The following KAZN variants were observed in gnomAD, a reference collection of about 807,000 sequenced individuals.
The protein encoded by KAZN is kazrin, periplakin interacting protein, also known as kazrin.
Under a neutral mutation model 87.4 loss-of-function variants are expected in KAZN, and 40 were observed. That is an observed-to-expected ratio of 0.46 (90% CI 0.36 to 0.60). The LOEUF (loss-of-function observed/expected upper bound fraction) is 0.60, where lower values mean the gene tolerates loss of function less well. KAZN is among the 20% of genes least tolerant of loss of function. The pLI, the probability that KAZN is intolerant of heterozygous loss-of-function variation, is 0.00. For missense variants in KAZN, 898 were observed against 1,073.9 expected, an observed-to-expected ratio of 0.84 and a Z score of 2.29; for synonymous variants, 466 against 458.3, an observed-to-expected ratio of 1.02 and a Z score of -0.22.
At chr1:14,798,015 C>CACTTTACAGATGAGGAA (rs1553133454) in intron 1 of KAZN, among the ~76,000 whole-genome samples, 1 of 152,190 alleles carries the variant, frequency 6.6e-6, no homozygotes, top group African/African-American at 2.4e-5. Flanking sequence ...CTATCTCCCC[C>CACTTTACAGATGAGGAA]ACTTTACAGA....
chr1:15,029,130 G>C (rs888381905), intron 2 of KAZN, among the ~76,000 whole-genome samples: 1 of 152,210 alleles, frequency 6.6e-6, no homozygotes, highest in African/African-American at 2.4e-5. Context: ...GTAGCTGCAA[G>C]GGAGCTTGGG....
intron 2 of KAZN, among the ~76,000 whole-genome samples, chr1:14,504,358 G>A (rs765598160): frequency 3.3e-5 from 5 of 152,208 alleles, no homozygotes; most frequent in African/African-American, 4.8e-5. Context: ...GCTACAGGAT[G>A]TTAGAAAAGA....
At position 14,736,314 on chromosome 1, in the gene KAZN, T is replaced by C. The variant is rs566042298; in HGVS notation, c.226+137091T>C. On this transcript the variant is annotated intron_variant, in intron 1 of 14. Transcript: ENST00000376030. ...GTGTGTGTGTGTATATTTTTTTTTT[T>C]TGAGACGGAGTTTTGCTCTTGTTGC... Among the ~76,000 whole-genome samples, 56 of 140,610 alleles carry C rather than the reference T, an allele frequency of 4.0e-4. 1 individual carries two copies. The highest frequency in any genetic ancestry group is 3.0e-3 in the Admixed American group (43 of 14,154). The allele number at this position is 140,610 out of a possible 152,430, so 92.2% of individuals were successfully genotyped here.
At chr1:14,505,711 C>T (rs912316672) in intron 2 of KAZN, among the ~76,000 whole-genome samples, 8 of 152,268 alleles carry the variant, frequency 5.3e-5, no homozygotes, top group East Asian at 1.9e-4. Context: ...CGGTGGCTCA[C>T]GCCTGTAATC....
intron 1 of KAZN, among the ~76,000 whole-genome samples, chr1:13,914,535 T>C (rs1639771997): frequency 6.6e-6 from 1 of 152,220 alleles, no homozygotes; most frequent in Non-Finnish European, 1.5e-5. Context: ...ATACGGCCCT[T>C]ATATAGCGGT....
intron 1 of KAZN, among the ~76,000 whole-genome samples, chr1:14,678,424 G>A (rs1361980747): frequency 2.0e-5 from 3 of 152,222 alleles, no homozygotes; most frequent in Non-Finnish European, 4.4e-5. Context: ...ACTGCAGGCT[G>A]CACTGTTGAC....
chr1:14,218,473 G>A (rs543261717), intron 2 of KAZN, among the ~76,000 whole-genome samples: 1 of 152,256 alleles, frequency 6.6e-6, no homozygotes, highest in South Asian at 2.1e-4. Flanking sequence ...ATTTGTACAA[G>A]ATGAGCCTAG....
intron 1 of KAZN, among the ~76,000 whole-genome samples, chr1:14,806,115 C>A (rs1646211356): frequency 6.6e-6 from 1 of 152,140 alleles, no homozygotes; most frequent in Admixed American, 6.5e-5. Context: ...TCCACCAGGG[C>A]CCTGGGACCA....
chr1:15,004,596 A>T (rs1423263365), intron 2 of KAZN, among the ~76,000 whole-genome samples: 1 of 152,210 alleles, frequency 6.6e-6, no homozygotes, highest in Admixed American at 6.5e-5. Context: ...CCAGGCATGT[A>T]GCCGGAGTTT....
chr1:14,050,161 CGTGTGTGG>C (rs1209212672), intron 1 of KAZN, among the ~76,000 whole-genome samples: 2 of 149,738 alleles, frequency 1.3e-5, no homozygotes, highest in Admixed American at 6.6e-5. Context: ...TGCTTGTGCG[CGTGTGTGG>C]GTGTGTGCGC....
chr1:14,380,650 C>T (rs1450973998), intron 2 of KAZN, among the ~76,000 whole-genome samples: 2 of 151,930 alleles, frequency 1.3e-5, no homozygotes, highest in African/African-American at 2.4e-5. Flanking sequence ...TGAAGACAGA[C>T]CATTTGAAAA....
chr1:15,065,580 G>C (rs1181349075), intron 7 of KAZN, 50 bp from the exon 8 acceptor site: 1 of 1,506,654 alleles, frequency 6.6e-7, no homozygotes, highest in African/African-American at 1.4e-5. Context: ...AGCTAAGCTT[G>C]GCTTTCTTCT....
intron 1 of KAZN, among the ~76,000 whole-genome samples, chr1:14,675,390 T>C (rs1640160861): frequency 6.6e-6 from 1 of 152,216 alleles, no homozygotes; most frequent in Non-Finnish European, 1.5e-5. Context: ...CCAGGGCACT[T>C]GGGGGTGTTC....
chr1:15,074,809 C>T (rs923293750), intron 8 of KAZN, among the ~76,000 whole-genome samples: 5 of 152,130 alleles, frequency 3.3e-5, no homozygotes, highest in African/African-American at 7.2e-5. Flanking sequence ...GCTGTGCCTT[C>T]GTTTCTTCAT....
At chr1:14,342,226 C>G (rs1313072255) in intron 2 of KAZN, among the ~76,000 whole-genome samples, 1 of 152,114 alleles carries the variant, frequency 6.6e-6, no homozygotes, top group Non-Finnish European at 1.5e-5. Flanking sequence ...TTTCTTTATC[C>G]AGTCTACCAT....
chr1:14,261,701 G>A (rs570377802), intron 2 of KAZN, among the ~76,000 whole-genome samples: 2 of 152,256 alleles, frequency 1.3e-5, no homozygotes, highest in Non-Finnish European at 1.5e-5. Context: ...CTCCCAGTCC[G>A]ATTGGTATTC....
chr1:14,905,664 T>G (rs951450995), intron 1 of KAZN, among the ~76,000 whole-genome samples: 16 of 150,276 alleles, frequency 1.1e-4, no homozygotes, highest in African/African-American at 3.7e-4. Flanking sequence ...GCCAACATGG[T>G]GAAAACCCGT....
intron 1 of KAZN, among the ~76,000 whole-genome samples, chr1:14,147,518 G>A (rs2101788071): frequency 6.6e-6 from 1 of 152,348 alleles, no homozygotes; most frequent in South Asian, 2.1e-4. Flanking sequence ...GCAGGGCTGG[G>A]CGTGGTGGCT....
rs193059600 is a variant in KAZN, at chr1:14,774,063, G to A, written c.226+174840G>A. On this transcript the variant is annotated intron_variant, in intron 1 of 14. Transcript: ENST00000376030. The stretch of plus-strand genomic sequence containing the variant: ...CATCCAAGGATCCAGGAGACCCAAC[G>A]CTAGCAAAAGACCCCACATGCTTTC... Among the ~76,000 whole-genome samples, 19 of 152,308 alleles carry A rather than the reference G, an allele frequency of 1.2e-4. No individual in the cohort carries two copies. In the East Asian group the frequency reaches 3.1e-3, roughly 25 times the overall value.
Sources: gnomAD v4.1 joint callset for allele counts (sites outside exome capture counted in the v4.1 genomes callset) on GRCh38, gnomAD v4.1.1 for gene constraint, MANE v1.5 for transcripts, NCBI Gene and HGNC (gene_info 2026-07-23, HGNC 2026-07-21) for gene names.